The following ATP5F1A variants were observed in gnomAD, a reference collection of about 807,000 sequenced individuals.
ATP5F1A encodes the protein ATP synthase F1 subunit alpha, also known as ATP synthase F(1) complex subunit alpha, mitochondrial.
Under a neutral mutation model 57.4 loss-of-function variants are expected in ATP5F1A, and 24 were observed. The ratio of observed to expected loss-of-function variants is 0.42; its 90% confidence interval spans 0.30 to 0.59. The LOEUF (loss-of-function observed/expected upper bound fraction) is 0.59, where lower values mean the gene tolerates loss of function less well. Ranked by LOEUF, ATP5F1A falls within the 20% of genes least tolerant of loss-of-function variation. The pLI is 0.19. For synonymous variants in ATP5F1A, 251 were observed against 255.5 expected (o/e 0.98, Z 0.17); for missense variants, 494 against 707.9 (o/e 0.70, Z 3.43).
At position 46,093,879 on chromosome 18, in the gene ATP5F1A, G is replaced by T. The variant is rs192574190; in HGVS notation, c.139+1174C>A. Among the ~76,000 whole-genome samples, 582 of 152,206 alleles carry T rather than the reference G, an allele frequency of 3.8e-3. 2 individuals are homozygous for T. Among genetic ancestry groups the T allele is most frequent in the Non-Finnish European group, 3.9e-3 (264 of 68,010 alleles). On this transcript the variant is annotated intron_variant, in intron 2 of 11. Transcript: ENST00000398752. ...CCCACCACTTTGGGAGGCCAAGGCA[G>T]GTGGATCACCTGAGGTCAGGAGTTC...
upstream of ATP5F1A, among the ~76,000 whole-genome samples, chr18:46,100,737 T>C (rs191550689): frequency 1.0e-3 from 156 of 152,356 alleles, no homozygotes; most frequent in Middle Eastern, 6.8e-3. Context: ...AAACGATCCT[T>C]AGAGTCACTG....
chr18:46,081,199 A>G lies in ATP5F1A; in HGVS notation c.*3083T>C, dbSNP rs1207179803. 6.6e-6 allele frequency: 1 copy of G among 151,322 alleles called. No individual in the cohort carries two copies. The highest frequency in any genetic ancestry group is 1.5e-5 in the Non-Finnish European group (1 of 67,910). 9.4% of individuals were successfully genotyped at this position (151,322 alleles called of 1,614,324 possible). ...AGTTAACATTTGGAATTTGATTTAT[A>G]ATGGACAAACATGGTTGTCTTCATT... is the stretch of plus-strand genomic sequence containing the variant. On this transcript the variant is annotated 3_prime_UTR_variant, in exon 12 of 12. Coordinates refer to ENST00000398752, the MANE Select transcript of ATP5F1A (RefSeq NM_004046.6).
At chr18:46,103,242 G>A (rs1467008922), upstream of ATP5F1A, among the ~76,000 whole-genome samples, 1 of 147,128 alleles carries the variant, frequency 6.8e-6, no homozygotes, top group Non-Finnish European at 1.5e-5. Flanking sequence ...ACGGGGGTTG[G>A]AGGTCGCAGT....
In ATP5F1A at chr18:46,088,134, C is replaced by G. The variant is rs779730876; in HGVS notation, c.774G>C (p.Gln258His). The G allele has an allele frequency of 5.3e-5, 84 of 1,598,278 alleles. No homozygotes were observed. Among genetic ancestry groups the G allele is most frequent in the Non-Finnish European group, 6.7e-5 (79 of 1,177,036 alleles). The stretch of plus-strand genomic sequence containing the variant: ...CTGCATCTGTAAGTCTCTTCACCAA[C>G]TGGGCAACAGTGGATCTCTTTTGAC... The part of the protein sequence containing the change: ...AIGQKRSTVA[Q>H]LVKRLTDADA... The change falls in exon 6 of 12, where the codon CAG becomes CAC. Residue 258 changes from glutamine to histidine, a missense_variant. Coordinates refer to ENST00000398752, the MANE Select transcript of ATP5F1A (RefSeq NM_004046.6).
upstream of ATP5F1A, among the ~76,000 whole-genome samples, chr18:46,102,325 G>T (rs907825790): frequency 4.0e-5 from 6 of 150,496 alleles, no homozygotes; most frequent in African/African-American, 1.5e-4. Context: ...TTTAGTTTTT[G>T]TTTTTTTTTG....
chr18:46,099,616 G>A (rs768726593), upstream of ATP5F1A, among the ~76,000 whole-genome samples: 2 of 151,886 alleles, frequency 1.3e-5, no homozygotes, highest in African/African-American at 2.4e-5. Context: ...TAATTTTTTT[G>A]TAAAGACGGC....
intron 6 of ATP5F1A, chr18:46,087,814 A>G: frequency 2.3e-6 from 1 of 444,110 alleles, no homozygotes; most frequent in Non-Finnish European, 4.0e-6. Flanking sequence ...CAGGAGGCAG[A>G]GGTTGCAGTG....
At position 46,081,005 on chromosome 18, in the gene ATP5F1A, C is replaced by T. The variant is rs2096572933; in HGVS notation, c.*3277G>A. On this transcript the variant is annotated 3_prime_UTR_variant, in exon 12 of 12. Coordinates refer to ENST00000398752, the MANE Select transcript of ATP5F1A (RefSeq NM_004046.6). ...ATTAGCCAGGCATGGTGGTGCACACCTATAATCACAGCTACTCAGGAGGCT... is the reference window on the plus strand; with the variant it reads ...ATTAGCCAGGCATGGTGGTGCACACTTATAATCACAGCTACTCAGGAGGCT... The T allele has an allele frequency of 6.6e-6, 1 of 150,712 alleles. No homozygotes were observed. The highest frequency in any genetic ancestry group is 1.5e-5 in the Non-Finnish European group (1 of 67,850). The allele number at this position is 150,712 out of a possible 1,614,324, so 9.3% of individuals were successfully genotyped here. A position where few individuals can be genotyped will look rare whatever the true frequency, so the allele number is the denominator to read the frequency against.
chr18:46,082,776 C>A lies in ATP5F1A; in HGVS notation c.*1506G>T, dbSNP rs527898595. On this transcript the variant is annotated 3_prime_UTR_variant, in exon 12 of 12. Transcript: ENST00000398752. ...TAAATAAATAAATCAGTAGGCTGGGCGTGGTGGCTCACACCTGTAATCCCA... is the reference window on the plus strand; with the variant it reads ...TAAATAAATAAATCAGTAGGCTGGGAGTGGTGGCTCACACCTGTAATCCCA... 2 of 149,250 alleles carry A rather than the reference C, an allele frequency of 1.3e-5. No homozygotes were observed. The highest frequency in any genetic ancestry group is 4.3e-4 in the South Asian group (2 of 4,660). 9.2% of individuals were successfully genotyped at this position (149,250 alleles called of 1,614,324 possible). A position where few individuals can be genotyped will look rare whatever the true frequency, so the allele number is the denominator to read the frequency against.
rs369451345 is a variant in ATP5F1A at position 46,087,377 on chromosome 18, T to C, written c.915A>G (p.Lys305=). ...SMGEYFRDNG[K]HALIIYDDLS... Reference sequence around the variant, plus strand: ...AGTCGTCATAGATGATCAAAGCATGTTTGCCATTGTCTCTAAAATACTCTC... The same window carrying C: ...AGTCGTCATAGATGATCAAAGCATGCTTGCCATTGTCTCTAAAATACTCTC... The change falls in exon 7 of 12, where the codon AAA becomes AAG. Residue 305 remains lysine, a synonymous_variant. Coordinates refer to ENST00000398752, the MANE Select transcript of ATP5F1A (RefSeq NM_004046.6). The C allele has an allele frequency of 2.0e-5, 33 of 1,614,208 alleles. No homozygotes were observed. Among genetic ancestry groups the C allele is most frequent in the Non-Finnish European group, 2.8e-5 (33 of 1,180,036 alleles).
At chr18:46,086,616 C>T (rs1447638444) in intron 8 of ATP5F1A, 122 bp from the exon 9 acceptor site, 3 of 890,800 alleles carry the variant, frequency 3.4e-6, no homozygotes, top group Non-Finnish European at 3.4e-6. Flanking sequence ...CATCAGTACC[C>T]CAAATCTTTC....
intron 1 of ATP5F1A, chr18:46,097,893 C>T: frequency 8.2e-7 from 1 of 1,224,046 alleles, no homozygotes. Context: ...ACCCAAGATC[C>T]CCCTTCTAGG....
intron 5 of ATP5F1A, 73 bp from the exon 6 acceptor site, chr18:46,088,330 A>C: frequency 1.5e-6 from 2 of 1,349,008 alleles, no homozygotes. Context: ...AGAAAGAGAG[A>C]TCAGACTGTT....
intron 10 of ATP5F1A, 30 bp downstream of exon 10, chr18:46,086,083 C>T (rs371105595): frequency 2.2e-5 from 35 of 1,606,888 alleles, no homozygotes; most frequent in Non-Finnish European, 3.0e-5. Context: ...ACAATAGGAA[C>T]CTGACCAAAT....
intron 2 of ATP5F1A, among the ~76,000 whole-genome samples, chr18:46,093,598 C>CG (rs1001850975): frequency 2.0e-5 from 3 of 151,734 alleles, no homozygotes; most frequent in African/African-American, 7.3e-5. Flanking sequence ...CCAAGGTAGA[C>CG]GGATCCCCTG....
intron 2 of ATP5F1A, 158 bp from the exon 3 acceptor site, chr18:46,092,009 T>TA (rs1910589808): frequency 1.9e-6 from 1 of 523,954 alleles, no homozygotes; most frequent in African/African-American, 2.0e-5. Context: ...CTGTCTCTAC[T>TA]AAAAATACAA....
In ATP5F1A at chr18:46,081,673, CAAAAAA is replaced by C. The variant is rs1159742250; in HGVS notation, c.*2603_*2608del. Reference sequence around the variant, plus strand: ...GAGCAAAACTCTCAAAAAAAAAAAACAAAAAAAAAAAAAAAAAAAAAAAACGAAATG... The same window carrying C: ...GAGCAAAACTCTCAAAAAAAAAAAACAAAAAAAAAAAAAAAAAACGAAATG... On this transcript the variant is annotated 3_prime_UTR_variant, in exon 12 of 12. Transcript: ENST00000398752. 1 of 75,456 alleles carries C rather than the reference CAAAAAA, an allele frequency of 1.3e-5. No homozygotes were observed. The highest frequency in any genetic ancestry group is 1.5e-4 in the Admixed American group (1 of 6,618). The allele number at this position is 75,456 out of a possible 1,614,324, so 4.7% of individuals were successfully genotyped here.
chr18:46,085,796 G>A (rs1910041506), intron 10 of ATP5F1A: 3 of 248,382 alleles, frequency 1.2e-5, no homozygotes, highest in Non-Finnish European at 2.3e-5. Flanking sequence ...AGTCGGGCGT[G>A]GTGGCTCACA....
chr18:46,095,913 G>C (rs1439904633), intron 1 of ATP5F1A, among the ~76,000 whole-genome samples: 1 of 151,644 alleles, frequency 6.6e-6, no homozygotes, highest in Non-Finnish European at 1.5e-5. Context: ...TTCTGAGACG[G>C]AGTCTCATTC....
Sources: gnomAD v4.1 joint callset for allele counts (sites outside exome capture counted in the v4.1 genomes callset) on GRCh38, gnomAD v4.1.1 for gene constraint, MANE v1.5 for transcripts, NCBI Gene and HGNC (gene_info 2026-07-23, HGNC 2026-07-21) for gene names.